The following RAB11FIP3 variants were observed in gnomAD, a reference collection of about 807,000 sequenced individuals.
The protein encoded by RAB11FIP3 is RAB11 family interacting protein 3, also known as rab11 family-interacting protein 3.
In RAB11FIP3, 17 loss-of-function variants were observed where a neutral mutation model predicts 77.8. The ratio of observed to expected loss-of-function variants is 0.22; its 90% CI spans 0.15 to 0.33. RAB11FIP3 has a LOEUF of 0.33. Ranked by LOEUF, RAB11FIP3 falls within the 10% of genes least tolerant of loss-of-function variation. RAB11FIP3 has a pLI of 1.00. For missense variants in RAB11FIP3, 1,005 were observed against 1,011.2 expected, an observed-to-expected ratio of 0.99 and a Z score of 0.08; for synonymous variants, 437 against 448.2, an observed-to-expected ratio of 0.98 and a Z score of 0.31.
At chr16:442,064 C>T (rs778231292) in intron 1 of RAB11FIP3, among the ~76,000 whole-genome samples, 4 of 152,212 alleles carry the variant, frequency 2.6e-5, no homozygotes, top group Admixed American at 6.5e-5. Context: ...GGTCTCGTCT[C>T]CTGACCTCGT....
At chr16:502,020 G>A (rs1443381024) in intron 6 of RAB11FIP3, among the ~76,000 whole-genome samples, 1 of 152,294 alleles carries the variant, frequency 6.6e-6, no homozygotes, top group Non-Finnish European at 1.5e-5. Context: ...GAAGCTCGGA[G>A]AGGGCCAGTG....
At chr16:435,700 C>CTTATTTT (rs2055116412) in intron 1 of RAB11FIP3, among the ~76,000 whole-genome samples, 2 of 152,116 alleles carry the variant, frequency 1.3e-5, no homozygotes, top group East Asian at 1.9e-4. Context: ...AAAGTAGTGC[C>CTTATTTT]TTTGCACATA....
intron 3 of RAB11FIP3, chr16:475,153 G>T: frequency 6.6e-7 from 1 of 1,507,898 alleles, no homozygotes; most frequent in African/African-American, 1.4e-5. Flanking sequence ...CTGTGGTGGA[G>T]AGAGGCTCAG....
chr16:431,690 A>G (rs1486558332), intron 1 of RAB11FIP3, among the ~76,000 whole-genome samples: 1 of 151,852 alleles, frequency 6.6e-6, no homozygotes, highest in Non-Finnish European at 1.5e-5. Context: ...CTTTTTTAAC[A>G]CAGACATAGA....
At chr16:463,442 T>G (rs555808792) in intron 2 of RAB11FIP3, among the ~76,000 whole-genome samples, 10 of 147,792 alleles carry the variant, frequency 6.8e-5, no homozygotes, top group East Asian at 4.0e-4. Flanking sequence ...TTTTTTTTTT[T>G]TTTTTTTTTT....
At chr16:469,309 C>G (rs2055769726) in intron 2 of RAB11FIP3, among the ~76,000 whole-genome samples, 1 of 152,100 alleles carries the variant, frequency 6.6e-6, no homozygotes, top group Non-Finnish European at 1.5e-5. Flanking sequence ...CTCCTGAACT[C>G]GTGATCTGCC....
intron 2 of RAB11FIP3, among the ~76,000 whole-genome samples, chr16:470,526 A>G (rs918907738): frequency 6.6e-6 from 1 of 152,252 alleles, no homozygotes; most frequent in Non-Finnish European, 1.5e-5. Context: ...GGTCTATTTT[A>G]GGCAAGTAGT....
chr16:446,942 G>T (rs917618832), intron 1 of RAB11FIP3, among the ~76,000 whole-genome samples: 3 of 150,418 alleles, frequency 2.0e-5, no homozygotes, highest in African/African-American at 7.3e-5. Context: ...CTCATGATCT[G>T]CCTGCCTCGG....
At chr16:456,095 G>A (rs979516022) in intron 1 of RAB11FIP3, among the ~76,000 whole-genome samples, 1 of 151,680 alleles carries the variant, frequency 6.6e-6, no homozygotes, top group South Asian at 2.1e-4. Context: ...ACTTTGGGAG[G>A]CCAAGGCGGA....
intron 4 of RAB11FIP3, among the ~76,000 whole-genome samples, chr16:484,057 T>C (rs2056101369): frequency 6.6e-6 from 1 of 152,146 alleles, no homozygotes; most frequent in South Asian, 2.1e-4. Context: ...GTCACTCTTA[T>C]CTGGCTCAGA....
chr16:497,393 G>T, intron 6 of RAB11FIP3: 7 of 1,286,244 alleles, frequency 5.4e-6, no homozygotes, highest in Non-Finnish European at 7.1e-6. Context: ...CAGGGTTAAG[G>T]CCCTTCCCAG....
chr16:520,857 C>T lies in RAB11FIP3; in HGVS notation c.*18C>T. On this transcript the variant is annotated 3_prime_UTR_variant, in exon 14 of 14. Coordinates refer to ENST00000262305, the MANE Select transcript of RAB11FIP3 (RefSeq NM_014700.4). ...TCAAGTAGAGGCAGGAAGGTCCAGC[C>T]TGAGCTGGATTCGGGACTCCAACAC... is the stretch of plus-strand genomic sequence containing the variant. 1 of 1,601,040 alleles carries T rather than the reference C, an allele frequency of 6.2e-7. No homozygotes were observed. Among genetic ancestry groups the T allele is most frequent in the Non-Finnish European group, 8.6e-7 (1 of 1,168,784 alleles).
chr16:441,131 C>T (rs2055218898), intron 1 of RAB11FIP3, among the ~76,000 whole-genome samples: 3 of 151,980 alleles, frequency 2.0e-5, no homozygotes, highest in Admixed American at 6.6e-5. Context: ...TTATTAGAGA[C>T]GGGTTTCACC....
chr16:460,610 A>G (rs1370995649), intron 1 of RAB11FIP3, among the ~76,000 whole-genome samples: 6 of 152,168 alleles, frequency 3.9e-5, no homozygotes. Context: ...TTTGATATCA[A>G]GGGTCTTTTT....
intron 5 of RAB11FIP3, among the ~76,000 whole-genome samples, chr16:495,939 A>G (rs2031086175): frequency 1.3e-5 from 2 of 152,032 alleles, no homozygotes; most frequent in Admixed American, 1.3e-4. Flanking sequence ...TAGTAGAGAC[A>G]GGGTTTCTCC....
At chr16:447,467 A>C (rs1041243983) in intron 1 of RAB11FIP3, among the ~76,000 whole-genome samples, 3 of 152,114 alleles carry the variant, frequency 2.0e-5, no homozygotes, top group African/African-American at 7.2e-5. Context: ...GGCCGGGCGC[A>C]GTGGCTCACA....
chr16:430,821 C>T (rs1045254496), intron 1 of RAB11FIP3, among the ~76,000 whole-genome samples: 11 of 152,162 alleles, frequency 7.2e-5, no homozygotes, highest in South Asian at 2.1e-4. Flanking sequence ...GGTGAAACCC[C>T]GTCTCTACTA....
chr16:494,634 C>T (rs976548439), intron 5 of RAB11FIP3, among the ~76,000 whole-genome samples: 2 of 151,898 alleles, frequency 1.3e-5, no homozygotes. Context: ...AAAAAAAAAC[C>T]TGTATTAAAA....
At chr16:432,291 C>T (rs903819514) in intron 1 of RAB11FIP3, among the ~76,000 whole-genome samples, 10 of 151,926 alleles carry the variant, frequency 6.6e-5, no homozygotes, top group African/African-American at 2.4e-4. Context: ...GCAGGAGAAT[C>T]GCTTGAACCT....
Sources: allele counts gnomAD v4.1 joint callset (sites outside exome capture counted in the v4.1 genomes callset), GRCh38; gene constraint gnomAD v4.1.1; transcripts MANE v1.5; gene names NCBI Gene and HGNC (gene_info 2026-07-23, HGNC 2026-07-21).